RORA: variants seen among roughly 807,000 people sequenced by gnomAD.
The protein encoded by RORA is RAR related orphan receptor A.
A neutral mutation model predicts 69.5 loss-of-function variants in RORA; 7 were observed. The observed-to-expected ratio is 0.10, with a 90% CI of 0.06 to 0.19. The LOEUF is 0.19. Among genes scored for constraint, RORA ranks in the 10% least tolerant of loss-of-function variants. The pLI, the probability that RORA is intolerant of heterozygous loss-of-function variation, is 1.00. For missense variants in RORA, 457 were observed against 663.0 expected (o/e 0.69, Z 3.41); for synonymous variants, 261 against 240.8 (o/e 1.08, Z -0.78).
chr15:60,865,804 T>C (rs1227169068), intron 1 of RORA, among the ~76,000 whole-genome samples: 3 of 152,130 alleles, frequency 2.0e-5, no homozygotes, highest in Non-Finnish European at 4.4e-5. Flanking sequence ...ACTCATACCA[T>C]TTATATTTTG....
At chr15:60,737,572 A>G (rs1312710274) in intron 1 of RORA, among the ~76,000 whole-genome samples, 2 of 152,200 alleles carry the variant, frequency 1.3e-5, no homozygotes, top group Admixed American at 1.3e-4. Flanking sequence ...AAGTCCTCCA[A>G]GTGATTCTGA....
intron 8 of RORA, among the ~76,000 whole-genome samples, chr15:60,501,385 T>C (rs896119741): frequency 6.6e-6 from 1 of 152,222 alleles, no homozygotes; most frequent in Non-Finnish European, 1.5e-5. Flanking sequence ...CTGTGGCAAG[T>C]ATTGCTCTAA....
At chr15:61,194,595 A>G (rs2079830810) in intron 1 of RORA, among the ~76,000 whole-genome samples, 1 of 151,972 alleles carries the variant, frequency 6.6e-6, no homozygotes, top group Admixed American at 6.6e-5. Flanking sequence ...TTGGTGGAGA[A>G]GGCAGTATTC....
chr15:60,704,764 T>G (rs1048572349), intron 1 of RORA, among the ~76,000 whole-genome samples: 4 of 152,148 alleles, frequency 2.6e-5, no homozygotes, highest in Non-Finnish European at 5.9e-5. Context: ...GCAAGCCTTG[T>G]TGGTTATTGA....
intron 1 of RORA, among the ~76,000 whole-genome samples, chr15:61,152,733 C>T (rs984147357): frequency 6.6e-6 from 1 of 152,102 alleles, no homozygotes; most frequent in Admixed American, 6.6e-5. Flanking sequence ...ATCCATCCAT[C>T]CACAGACTCA....
At chr15:60,979,564 A>C (rs1214659949) in intron 1 of RORA, among the ~76,000 whole-genome samples, 1 of 152,132 alleles carries the variant, frequency 6.6e-6, no homozygotes, top group Non-Finnish European at 1.5e-5. Context: ...AAATTTATTC[A>C]TAACTATTTT....
chr15:60,692,075 A>G (rs2070835536), intron 1 of RORA, among the ~76,000 whole-genome samples: 1 of 152,188 alleles, frequency 6.6e-6, no homozygotes, highest in South Asian at 2.1e-4. Flanking sequence ...CTTAGATACA[A>G]CAGCTTAGAG....
intron 1 of RORA, among the ~76,000 whole-genome samples, chr15:60,832,539 G>A (rs1265131336): frequency 6.6e-6 from 1 of 152,018 alleles, no homozygotes; most frequent in Non-Finnish European, 1.5e-5. Flanking sequence ...CTCAGACTTC[G>A]ATGTAAAGGA....
chr15:60,611,139 G>A (rs540607716), intron 2 of RORA, among the ~76,000 whole-genome samples: 16 of 152,204 alleles, frequency 1.1e-4, no homozygotes, highest in East Asian at 9.6e-4. Flanking sequence ...TTCTATTGCC[G>A]CTCAATTATC....
At chr15:61,164,361 G>A (rs572196667) in intron 1 of RORA, among the ~76,000 whole-genome samples, 4 of 152,134 alleles carry the variant, frequency 2.6e-5, no homozygotes, top group Non-Finnish European at 4.4e-5. Flanking sequence ...TAGAAAGATT[G>A]GGAGTGAAGG....
At chr15:60,823,682 C>T (rs1367065203) in intron 1 of RORA, among the ~76,000 whole-genome samples, 1 of 152,010 alleles carries the variant, frequency 6.6e-6, no homozygotes, top group African/African-American at 2.4e-5. Context: ...CTTTATCTTC[C>T]CCAGAAATAA....
At position 60,973,483 on chromosome 15, in the gene RORA, G is replaced by C. The variant is rs1047679998; in HGVS notation, c.166+255570C>G. ...CGGGCAGGGTGGCTGAGCAGCCTTC[G>C]CCCAGTGCTCTGAAAATGCTCTGGT... On this transcript the variant is annotated intron_variant, in intron 1 of 10. Transcript: ENST00000335670. Among the ~76,000 whole-genome samples, 5 of 152,146 alleles carry C rather than the reference G, an allele frequency of 3.3e-5. No homozygotes were observed. In the East Asian group the frequency reaches 9.6e-4, roughly 29 times the overall value.
At chr15:61,099,628 C>T (rs936392850) in intron 1 of RORA, among the ~76,000 whole-genome samples, 14 of 152,186 alleles carry the variant, frequency 9.2e-5, no homozygotes, top group Non-Finnish European at 1.3e-4. Flanking sequence ...ATACCTCCTA[C>T]CGAAAAAACA....
Position 60,698,338 on chromosome 15 carries a change from A to C in RORA, c.167-19652T>G, listed in dbSNP as rs140134273. ...TTCTTAGTAATGTCAGTGATAAAAT[A>C]AATTACTGGGCCGACCACTCCCTAG... On this transcript the variant is annotated intron_variant, in intron 1 of 10. Coordinates refer to ENST00000335670, the MANE Select transcript of RORA (RefSeq NM_134261.3). Among the ~76,000 whole-genome samples, 87 of 152,324 alleles carry C rather than the reference A, an allele frequency of 5.7e-4. 1 individual carries two copies. The highest frequency in any genetic ancestry group is 3.5e-3 in the South Asian group (17 of 4,824).
chr15:60,911,958 C>G (rs1386765796), intron 1 of RORA, among the ~76,000 whole-genome samples: 2 of 151,940 alleles, frequency 1.3e-5, no homozygotes, highest in Non-Finnish European at 2.9e-5. Flanking sequence ...GATCTGCCCC[C>G]ATTGGCCTCC....
chr15:60,905,061 T>C lies in RORA; in HGVS notation c.167-226375A>G, dbSNP rs989769934. ...ACAAACGGGTGAGGGCTTGAGGCTCTGGGGGCGCTCGTCTTTAATGTTAAT... is the reference window on the plus strand; with the variant it reads ...ACAAACGGGTGAGGGCTTGAGGCTCCGGGGGCGCTCGTCTTTAATGTTAAT... On this transcript the variant is annotated intron_variant, in intron 1 of 10. Transcript: ENST00000335670. This position sits in a 1 kb window ranked among gnomAD's most constrained non-coding sequence, Gnocchi z 4.8. 2.6e-5 allele frequency among the ~76,000 whole-genome samples: 4 copies of C among 152,166 alleles called. No homozygotes were observed. Among genetic ancestry groups the C allele is most frequent in the Admixed American group, 2.6e-4 (4 of 15,274 alleles).
chr15:61,048,837 G>A (rs1468479406), intron 1 of RORA, among the ~76,000 whole-genome samples: 1 of 152,096 alleles, frequency 6.6e-6, no homozygotes, highest in Non-Finnish European at 1.5e-5. Context: ...TTTCATGGGA[G>A]TCAAGACTTA....
intron 1 of RORA, among the ~76,000 whole-genome samples, chr15:61,064,025 T>C (rs149081804): frequency 1.4e-3 from 208 of 152,272 alleles, no homozygotes; most frequent in African/African-American, 4.8e-3. Context: ...TGCTGGATAA[T>C]GTATCAAGCC....
rs146319660 is a variant in RORA at position 60,867,139 on chromosome 15, A to G, written c.167-188453T>C. On this transcript the variant is annotated intron_variant, in intron 1 of 10. Transcript: ENST00000335670. ...CCTAGACCTCCCAAAGTGCTACCAC[A>G]CTCAGCCTTTTTGTATAAACCTTTT... Among the ~76,000 whole-genome samples, 407 of 152,188 alleles carry G rather than the reference A, an allele frequency of 2.7e-3. 3 individuals are homozygous for G. Among genetic ancestry groups the G allele is most frequent in the African/African-American group, 9.3e-3 (386 of 41,534 alleles).
Sources: allele counts gnomAD v4.1 joint callset (sites outside exome capture counted in the v4.1 genomes callset), GRCh38; gene constraint gnomAD v4.1.1; non-coding constraint Gnocchi (gnomAD v3.1); transcripts MANE v1.5; gene names NCBI Gene and HGNC (gene_info 2026-07-23, HGNC 2026-07-21).